The following GRIK4 variants were observed in gnomAD, a reference collection of about 807,000 sequenced individuals.
GRIK4 encodes glutamate receptor ionotropic, kainate 4.
A neutral mutation model predicts 104.9 loss-of-function variants in GRIK4; 40 were observed. The ratio of observed to expected loss-of-function variants is 0.38; its 90% CI spans 0.30 to 0.50. The LOEUF (loss-of-function observed/expected upper bound fraction) is 0.50, where lower values mean the gene tolerates loss of function less well. Ranked by LOEUF, GRIK4 falls within the 20% of genes least tolerant of loss-of-function variation. The pLI is 0.93. For missense variants in GRIK4, 1,047 were observed against 1,308.1 expected, an observed-to-expected ratio of 0.80 and a Z score of 3.08; for synonymous variants, 485 against 524.9, an observed-to-expected ratio of 0.92 and a Z score of 1.04.
At chr11:120,723,755 C>T (rs764847128) in intron 3 of GRIK4, among the ~76,000 whole-genome samples, 3 of 151,884 alleles carry the variant, frequency 2.0e-5, no homozygotes, top group African/African-American at 4.8e-5. Flanking sequence ...TAAGCTGTGA[C>T]GCTCCAAACC....
At chr11:120,771,817 G>A (rs1005581513) in intron 3 of GRIK4, among the ~76,000 whole-genome samples, 7 of 152,240 alleles carry the variant, frequency 4.6e-5, no homozygotes, top group African/African-American at 1.4e-4. Flanking sequence ...CCTTCACCTA[G>A]ATTTCAAAGG....
chr11:120,552,002 A>C (rs913112435), intron 1 of GRIK4, among the ~76,000 whole-genome samples: 1 of 152,158 alleles, frequency 6.6e-6, no homozygotes, highest in Non-Finnish European at 1.5e-5. Context: ...TATCCTTTGT[A>C]ATATCCTTTA....
intron 1 of GRIK4, among the ~76,000 whole-genome samples, chr11:120,577,302 G>A (rs1227922968): frequency 6.6e-6 from 1 of 152,052 alleles, no homozygotes; most frequent in Non-Finnish European, 1.5e-5. Flanking sequence ...GGGTTTCTGA[G>A]GGGGTGAGTG....
chr11:120,664,407 TG>T (rs1438617275), intron 3 of GRIK4, among the ~76,000 whole-genome samples: 1 of 152,262 alleles, frequency 6.6e-6, no homozygotes, highest in East Asian at 1.9e-4. Context: ...GCACTGAGGA[TG>T]CAGTGCTACC....
At chr11:120,727,098 G>T (rs1565317317) in intron 3 of GRIK4, among the ~76,000 whole-genome samples, 1 of 152,144 alleles carries the variant, frequency 6.6e-6, no homozygotes, top group Non-Finnish European at 1.5e-5. Flanking sequence ...TGGAAAATGT[G>T]ATGGGCCAAT....
At chr11:120,536,079 A>G (rs575436960) in intron 1 of GRIK4, among the ~76,000 whole-genome samples, 4 of 152,384 alleles carry the variant, frequency 2.6e-5, no homozygotes, top group African/African-American at 7.2e-5. Flanking sequence ...GCCATCCTTG[A>G]AGTATTGTGT....
chr11:120,697,340 G>A (rs1474147853), intron 3 of GRIK4, among the ~76,000 whole-genome samples: 1 of 152,238 alleles, frequency 6.6e-6, no homozygotes, highest in Non-Finnish European at 1.5e-5. Flanking sequence ...ATGGAGCTGG[G>A]CGCAGTGGCT....
intron 1 of GRIK4, 120 bp from the exon 2 acceptor site, chr11:120,653,565 C>T (rs778606343): frequency 1.6e-4 from 24 of 152,204 alleles, no homozygotes; most frequent in Admixed American, 9.2e-4. Flanking sequence ...GTAGAGAAAT[C>T]GTACCTAGAT....
chr11:120,702,019 G>A (rs998836831), intron 3 of GRIK4, among the ~76,000 whole-genome samples: 73 of 143,060 alleles, frequency 5.1e-4, no homozygotes, highest in African/African-American at 1.8e-3. Context: ...GCAGTGGTGC[G>A]ATACCGGCTC....
At chr11:120,537,686 C>T (rs532334844) in intron 1 of GRIK4, among the ~76,000 whole-genome samples, 1 of 152,326 alleles carries the variant, frequency 6.6e-6, no homozygotes, top group African/African-American at 2.4e-5. Context: ...TGGACGGGCA[C>T]GCGCCTTCCT....
At position 120,555,148 on chromosome 11, in the gene GRIK4, A is replaced by G. The variant is rs1389985195; in HGVS notation, c.-159+43261A>G. 6.6e-6 allele frequency among the ~76,000 whole-genome samples: 1 copy of G among 152,242 alleles called. No homozygotes were observed. The highest frequency in any genetic ancestry group is 2.4e-5 in the African/African-American group (1 of 41,462). On this transcript the variant is annotated intron_variant, in intron 1 of 20. Transcript: ENST00000527524. The surrounding 1 kb of genome is among the most constrained non-coding windows in gnomAD (Gnocchi z 5.3). ...CCAGGCCCTGCACGCGCAGGTCACC[A>G]TGTTATCTATCCATGTTTCCCATGA...
intron 3 of GRIK4, among the ~76,000 whole-genome samples, chr11:120,696,626 C>A (rs974683081): frequency 6.6e-6 from 1 of 150,872 alleles, no homozygotes. Flanking sequence ...TAGAAGCAGC[C>A]AGAATGGCCT....
intron 4 of GRIK4, among the ~76,000 whole-genome samples, chr11:120,809,994 G>T (rs1449561147): frequency 6.6e-6 from 1 of 152,210 alleles, no homozygotes; most frequent in African/African-American, 2.4e-5. Flanking sequence ...GAGCCCAGGG[G>T]TTCAAGTCTG....
intron 3 of GRIK4, among the ~76,000 whole-genome samples, chr11:120,787,589 C>A (rs968351788): frequency 1.9e-4 from 28 of 151,260 alleles, no homozygotes; most frequent in Admixed American, 4.6e-4. Context: ...CTCAGCCTCC[C>A]AGGTAGCTGG....
chr11:120,549,757 C>A lies in GRIK4; in HGVS notation c.-159+37870C>A, dbSNP rs1948121496. On this transcript the variant is annotated intron_variant, in intron 1 of 20. Coordinates refer to ENST00000527524, the MANE Select transcript of GRIK4 (RefSeq NM_014619.5). This position sits in a 1 kb window ranked among gnomAD's most constrained non-coding sequence, Gnocchi z 4.7. ...GGGCAGCTGCTGCAGACAGGGGACA[C>A]AATGGAATCCTCAAGGAGGACAGAG... is the stretch of plus-strand genomic sequence containing the variant. Among the ~76,000 whole-genome samples the A allele has an allele frequency of 6.6e-6, 1 of 151,992 alleles. No individual in the cohort carries two copies. The highest frequency in any genetic ancestry group is 1.5e-5 in the Non-Finnish European group (1 of 67,994).
chr11:120,790,798 T>G (rs1047068342), intron 3 of GRIK4, among the ~76,000 whole-genome samples: 1 of 152,010 alleles, frequency 6.6e-6, no homozygotes, highest in African/African-American at 2.4e-5. Flanking sequence ...GGGAGGCAGA[T>G]CCCTCAGCAG....
At chr11:120,749,741 C>A (rs1951512496) in intron 3 of GRIK4, among the ~76,000 whole-genome samples, 1 of 152,222 alleles carries the variant, frequency 6.6e-6, no homozygotes, top group South Asian at 2.1e-4. Flanking sequence ...GAGGAGGGGC[C>A]CCACAGCACA....
intron 14 of GRIK4, among the ~76,000 whole-genome samples, chr11:120,944,201 TTCTCTC>T (rs71890093): frequency 7.6e-6 from 1 of 131,860 alleles, no homozygotes; most frequent in African/African-American, 2.8e-5. Context: ...CCTCCCTTCT[TTCTCTC>T]TCTCTCTCTC....
chr11:120,726,108 G>A (rs1951023573), intron 3 of GRIK4, among the ~76,000 whole-genome samples: 2 of 152,184 alleles, frequency 1.3e-5, no homozygotes, highest in Admixed American at 1.3e-4. Flanking sequence ...GCAAGGACAA[G>A]TGCCCTGAGA....
Sources: gnomAD v4.1 joint callset for allele counts (sites outside exome capture counted in the v4.1 genomes callset) on GRCh38, gnomAD v4.1.1 for gene constraint, Gnocchi (gnomAD v3.1) non-coding constraint, MANE v1.5 for transcripts, NCBI Gene and HGNC (gene_info 2026-07-23, HGNC 2026-07-21) for gene names.